The following YJEFN3 variants were observed in gnomAD, a reference collection of about 807,000 sequenced individuals.
YJEFN3 encodes the protein YjeF N-terminal domain containing 3.
Under a neutral mutation model 31.5 loss-of-function variants are expected in YJEFN3, and 29 were observed. The observed-to-expected ratio is 0.92, with a 90% CI of 0.69 to 1.26. The LOEUF (loss-of-function observed/expected upper bound fraction) is 1.26, where lower values mean the gene tolerates loss of function less well. Among genes scored for constraint, YJEFN3 ranks in the 50% most tolerant of loss-of-function variants. The pLI is 0.00. For synonymous variants in YJEFN3, 227 were observed against 196.1 expected (o/e 1.16, Z -1.32); for missense variants, 442 against 425.4 (o/e 1.04, Z -0.34).
At chr19:19,529,573 C>T (rs1174807875) in intron 2 of YJEFN3, 60 bp downstream of exon 2, 9 of 1,578,228 alleles carry the variant, frequency 5.7e-6, no homozygotes, top group Non-Finnish European at 7.7e-6. Flanking sequence ...TCATCCTCCT[C>T]AGCCTTTGTG....
At position 19,529,091 on chromosome 19, in the gene YJEFN3, G is replaced by A; in HGVS notation, c.59+100G>A. 14 of 1,505,060 alleles carry A rather than the reference G, an allele frequency of 9.3e-6. No individual in the cohort carries two copies. In the South Asian group the frequency reaches 1.7e-4, roughly 18 times the overall value. The allele number at this position is 1,505,060 out of a possible 1,614,324, so 93.2% of individuals were successfully genotyped here. The stretch of plus-strand genomic sequence containing the variant: ...AGGGTCATAGCTGGGACAGAATGGG[G>A]TCCGGGGACTGGAGACGGGCACAGC... On this transcript the variant is annotated intron_variant, in intron 1 of 6. Coordinates refer to ENST00000514277, the MANE Select transcript of YJEFN3 (RefSeq NM_198537.4).
chr19:19,530,948 C>T (rs961978366), intron 2 of YJEFN3, among the ~76,000 whole-genome samples: 81 of 152,322 alleles, frequency 5.3e-4, no homozygotes, highest in African/African-American at 1.9e-3. Context: ...CTGCCCTGTC[C>T]GCTTGATCAC....
intron 3 of YJEFN3, chr19:19,533,092 C>T: frequency 9.4e-7 from 1 of 1,059,154 alleles, no homozygotes; most frequent in Non-Finnish European, 1.1e-6. Context: ...CCTAAACAAC[C>T]CTGTTCTGCA....
intron 2 of YJEFN3, among the ~76,000 whole-genome samples, chr19:19,530,981 C>G (rs973104170): frequency 3.3e-5 from 5 of 152,152 alleles, no homozygotes; most frequent in African/African-American, 1.2e-4. Flanking sequence ...TCCCTTCTGC[C>G]CCTTGAACAT....
chr19:19,531,984 C>T (rs1193955558), intron 2 of YJEFN3, among the ~76,000 whole-genome samples: 1 of 152,060 alleles, frequency 6.6e-6, no homozygotes, highest in African/African-American at 2.4e-5. Flanking sequence ...AAGTGATCCA[C>T]CCGCCTCATC....
chr19:19,531,522 C>G (rs1400944310), intron 2 of YJEFN3, among the ~76,000 whole-genome samples: 3 of 151,776 alleles, frequency 2.0e-5, no homozygotes, highest in African/African-American at 7.3e-5. Flanking sequence ...TTGAAGTGAT[C>G]CTCCTGCCTC....
chr19:19,533,317 A>G (rs2061176257), intron 3 of YJEFN3: 1 of 985,684 alleles, frequency 1.0e-6, no homozygotes. Flanking sequence ...CTGCAACAGC[A>G]TAATAAATGG....
intron 2 of YJEFN3, among the ~76,000 whole-genome samples, 176 bp downstream of exon 2, chr19:19,529,689 C>T (rs892881964): frequency 1.3e-5 from 2 of 152,228 alleles, no homozygotes; most frequent in African/African-American, 4.8e-5. Context: ...CAGCCGATGT[C>T]CAGACTCAGT....
intron 1 of YJEFN3, 57 bp downstream of exon 1, chr19:19,529,048 G>A (rs1222526007): frequency 6.5e-7 from 1 of 1,544,654 alleles, no homozygotes. Context: ...GCCAGGAGCA[G>A]CCCGTAGGAC....
Position 19,529,382 on chromosome 19 carries a change from C to G in YJEFN3, c.78C>G (p.Pro26=), listed in dbSNP as rs1568362327. 2 of 1,613,296 alleles carry G rather than the reference C, an allele frequency of 1.2e-6. No individual in the cohort carries two copies. The highest frequency in any genetic ancestry group is 1.7e-6 in the Non-Finnish European group (2 of 1,179,648). ...CTCCCAGGGCCTTGGAGCTGCAGCCCCCACTTGCCGACATGGGAAGAGCGG... is the reference window on the plus strand; with the variant it reads ...CTCCCAGGGCCTTGGAGCTGCAGCCGCCACTTGCCGACATGGGAAGAGCGG... ...RHFLRALELQ[P]PLADMGRAEL... The change falls in exon 2 of 7, where the codon CCC becomes CCG. Residue 26 remains proline, a synonymous_variant. Coordinates refer to ENST00000514277, the MANE Select transcript of YJEFN3 (RefSeq NM_198537.4).
rs2061222596 is a variant in YJEFN3, at chr19:19,537,461, GC to G, written c.838del (p.Arg280AlafsTer34). The G allele has an allele frequency of 1.5e-5, 24 of 1,587,600 alleles. No individual in the cohort carries two copies. In the South Asian group the frequency reaches 2.2e-4, roughly 15 times the overall value. Reference protein sequence around the residue: ...VAGRFVPDDVRRKFALRLPGY... With the variant: ...VAGRFVPDDVXRKFALRLPGY... ...CCGGCAGGTTCGTGCCCGATGACGT[GC>G]GCCGCAAGTTCGCTCTGCGCCTGCC... On this transcript the variant is annotated frameshift_variant, in exon 7 of 7. Transcript: ENST00000514277. LOFTEE classifies it high-confidence loss of function.
At chr19:19,529,576 C>T (rs1480983618) in intron 2 of YJEFN3, 63 bp downstream of exon 2, 10 of 1,570,484 alleles carry the variant, frequency 6.4e-6, no homozygotes, top group Non-Finnish European at 8.6e-6. Flanking sequence ...TCCTCCTCAG[C>T]CTTTGTGACA....
chr19:19,535,364 A>C lies in YJEFN3; in HGVS notation c.457A>C (p.Thr153Pro). Residue 153 changes from threonine to proline, a missense_variant, in exon 5 of 7, where the codon ACA becomes CCA. By Grantham distance (38) the Thr-to-Pro change is conservative. Transcript: ENST00000514277. ...FEYEPTIFYP[T>P]RSLDLLHRDL... ...GTATGAACCCACCATCTTCTACCCCACACGCTCGCTGGACCTGCTGCATCG... is the reference window on the plus strand; with the variant it reads ...GTATGAACCCACCATCTTCTACCCCCCACGCTCGCTGGACCTGCTGCATCG... 1 of 1,613,798 alleles carries C rather than the reference A, an allele frequency of 6.2e-7. No homozygotes were observed. Among genetic ancestry groups the C allele is most frequent in the South Asian group, 1.1e-5 (1 of 91,066 alleles).
chr19:19,530,054 G>A (rs1408191385), intron 2 of YJEFN3, among the ~76,000 whole-genome samples: 1 of 152,200 alleles, frequency 6.6e-6, no homozygotes, highest in African/African-American at 2.4e-5. Flanking sequence ...GGTGGGCAGA[G>A]GTGTGAGGTG....
intron 3 of YJEFN3, 109 bp downstream of exon 3, chr19:19,532,849 C>A: frequency 8.9e-7 from 1 of 1,124,780 alleles, no homozygotes. Flanking sequence ...TCCCTTTTTG[C>A]TTGGGCCTAC....
At chr19:19,535,295 A>G (rs1429946937) in intron 4 of YJEFN3, 42 bp from the exon 5 acceptor site, 1 of 1,589,420 alleles carries the variant, frequency 6.3e-7, no homozygotes, top group Admixed American at 1.7e-5. Context: ...GGTGCTGGTG[A>G]CCAGGTCAGG....
In YJEFN3 at chr19:19,537,465, C is replaced by T. The variant is rs774748231; in HGVS notation, c.841C>T (p.Arg281Cys). The T allele has an allele frequency of 1.6e-5, 26 of 1,586,650 alleles. No individual in the cohort carries two copies. The Admixed American group carries it at 3.2e-4, about 20-fold the overall frequency. ...CAGGTTCGTGCCCGATGACGTGCGC[C>T]GCAAGTTCGCTCTGCGCCTGCCGGG... is the stretch of plus-strand genomic sequence containing the variant. ...AGRFVPDDVR[R>C]KFALRLPGYT... The change falls in exon 7 of 7, where the codon CGC becomes TGC. Residue 281 changes from arginine (R) to cysteine (C), a missense_variant. Physicochemically the swap from Arg to Cys is radical, Grantham distance 180. Transcript: ENST00000514277.
At position 19,529,515 on chromosome 19, in the gene YJEFN3, T is replaced by C; in HGVS notation, c.209+2T>C. On this transcript the variant is annotated splice_donor_variant, in intron 2 of 6. Transcript: ENST00000514277. LOFTEE classifies it high-confidence loss of function. ...GAACGCAGGGCCTGTTTGCCAGAGG[T>C]TGGTGAGTTTGGGATCTAGAACTGG... is the stretch of plus-strand genomic sequence containing the variant. 1 of 1,612,698 alleles carries C rather than the reference T, an allele frequency of 6.2e-7. No individual in the cohort carries two copies. The highest frequency in any genetic ancestry group is 8.5e-7 in the Non-Finnish European group (1 of 1,179,298).
intron 1 of YJEFN3, 115 bp from the exon 2 acceptor site, chr19:19,529,249 G>A: frequency 6.9e-7 from 1 of 1,457,050 alleles, no homozygotes; most frequent in South Asian, 1.5e-5. Flanking sequence ...AAGCTGCGTT[G>A]CTGGGGAAAC....
Sources: gnomAD v4.1 joint callset for allele counts (sites outside exome capture counted in the v4.1 genomes callset) on GRCh38, gnomAD v4.1.1 for gene constraint, MANE v1.5 for transcripts, NCBI Gene and HGNC (gene_info 2026-07-23, HGNC 2026-07-21) for gene names.